The following INPP4B variants were observed in gnomAD, a reference collection of about 807,000 sequenced individuals.
The protein encoded by INPP4B is inositol polyphosphate-4-phosphatase type II B.
Under a neutral mutation model 122.5 loss-of-function variants are expected in INPP4B, and 55 were observed. That is an observed-to-expected ratio of 0.45 (90% confidence interval 0.36 to 0.56). INPP4B has a LOEUF of 0.56. INPP4B is among the 20% of genes least tolerant of loss of function. The pLI is 0.00. For synonymous variants in INPP4B, 403 were observed against 388.7 expected (o/e 1.04, Z -0.43); for missense variants, 1,000 against 1,097.7 (o/e 0.91, Z 1.26).
At chr4:142,573,617 C>T (rs1733283890) in intron 2 of INPP4B, among the ~76,000 whole-genome samples, 1 of 152,204 alleles carries the variant, frequency 6.6e-6, no homozygotes, top group African/African-American at 2.4e-5. Context: ...TTTTTAAAAA[C>T]CTCCATCTAT....
intron 5 of INPP4B, among the ~76,000 whole-genome samples, chr4:142,411,543 C>T (rs1043805366): frequency 1.3e-5 from 2 of 151,974 alleles, no homozygotes; most frequent in African/African-American, 2.4e-5. Context: ...CTGTTAAGAG[C>T]AAAAAGGGCC....
In INPP4B at chr4:142,791,536, C is replaced by T. The variant is rs189310790; in HGVS notation, c.-254+54673G>A. ...AATGACGCAGTTTATTTTGTGTTCA[C>T]TCAGCATGAAGGCTTTAAATAGGCC... On this transcript the variant is annotated intron_variant, in intron 1 of 25. Coordinates refer to ENST00000262992, the MANE Select transcript of INPP4B (RefSeq NM_001101669.3). Among the ~76,000 whole-genome samples the T allele has an allele frequency of 1.2e-3, 184 of 152,182 alleles. 2 individuals carry two copies. The highest frequency in any genetic ancestry group is 4.4e-3 in the African/African-American group (182 of 41,526).
intron 1 of INPP4B, among the ~76,000 whole-genome samples, chr4:142,784,022 T>A (rs1482079812): frequency 1.3e-5 from 2 of 152,130 alleles, no homozygotes; most frequent in African/African-American, 2.4e-5. Context: ...AGCTTAGAAG[T>A]CATCACTGTC....
At chr4:142,411,106 G>GT (rs752566210) in intron 5 of INPP4B, among the ~76,000 whole-genome samples, 8 of 152,124 alleles carry the variant, frequency 5.3e-5, no homozygotes, top group Non-Finnish European at 1.2e-4. Context: ...ACTTGCACTT[G>GT]TAATTTTCAC....
chr4:142,448,327 T>TCC (rs1415510721), intron 3 of INPP4B, among the ~76,000 whole-genome samples: 1 of 50,106 alleles, frequency 2.0e-5, no homozygotes, highest in East Asian at 6.2e-4. Context: ...CCTATCCATC[T>TCC]CCAAAAAAAA....
At chr4:142,643,546 T>C (rs2150495131) in intron 2 of INPP4B, among the ~76,000 whole-genome samples, 1 of 152,226 alleles carries the variant, frequency 6.6e-6, no homozygotes, top group Non-Finnish European at 1.5e-5. Context: ...TGATAAATCA[T>C]TGAGGAGAAA....
chr4:142,661,041 G>C (rs940482856), intron 2 of INPP4B: 1 of 152,234 alleles, frequency 6.6e-6, no homozygotes, highest in Non-Finnish European at 1.5e-5. Context: ...CACTGGGGTG[G>C]AGCCTTGGGA....
intron 25 of INPP4B, among the ~76,000 whole-genome samples, chr4:142,067,843 A>C (rs1160766955): frequency 6.6e-6 from 1 of 152,246 alleles, no homozygotes; most frequent in East Asian, 1.9e-4. Flanking sequence ...AAAAGACCAA[A>C]TCTATGTCTG....
At chr4:142,448,803 CATAA>C (rs1181607856) in intron 3 of INPP4B, among the ~76,000 whole-genome samples, 5 of 151,980 alleles carry the variant, frequency 3.3e-5, no homozygotes, top group East Asian at 3.9e-4. Context: ...CCAAAAGTAA[CATAA>C]ATAAATAAAT....
intron 1 of INPP4B, among the ~76,000 whole-genome samples, chr4:142,766,545 A>G (rs2150986931): frequency 6.6e-6 from 1 of 151,784 alleles, no homozygotes; most frequent in African/African-American, 2.4e-5. Flanking sequence ...TAATTTTTGT[A>G]TTTTCAGTAG....
intron 7 of INPP4B, among the ~76,000 whole-genome samples, chr4:142,398,392 AAAAAAAAAAATATATATATATATATAT>A (rs1180172302): frequency 8.9e-4 from 25 of 28,074 alleles, no homozygotes; most frequent in South Asian, 8.5e-3. Context: ...AAAAAAAAAA[AAAAAAAAAAATATATATATATATATAT>A]ATATATATAT....
intron 2 of INPP4B, among the ~76,000 whole-genome samples, chr4:142,645,493 T>C (rs1291438172): frequency 6.6e-6 from 1 of 152,234 alleles, no homozygotes; most frequent in East Asian, 1.9e-4. Context: ...TGCAGTTATG[T>C]GTGGCCATGT....
intron 2 of INPP4B, among the ~76,000 whole-genome samples, chr4:142,600,890 A>G (rs1470522669): frequency 1.3e-5 from 2 of 152,172 alleles, no homozygotes; most frequent in African/African-American, 2.4e-5. Flanking sequence ...AAGACTAGCT[A>G]TATTTAAATC....
chr4:142,298,884 T>A lies in INPP4B; in HGVS notation c.503+6574A>T, dbSNP rs117185885. Among the ~76,000 whole-genome samples, 75 of 152,226 alleles carry A rather than the reference T, an allele frequency of 4.9e-4. 1 individual carries two copies. In the East Asian group the frequency reaches 0.014, roughly 28 times the overall value. Reference sequence around the variant, plus strand: ...TGAAGCAGAAATAAAATCATTTTTATGCCATCTTTTAGAAGATTGAGGCGA... The same window carrying A: ...TGAAGCAGAAATAAAATCATTTTTAAGCCATCTTTTAGAAGATTGAGGCGA... On this transcript the variant is annotated intron_variant, in intron 9 of 25. Transcript: ENST00000262992.
At chr4:142,246,064 TG>T (rs1268374512) in intron 11 of INPP4B, among the ~76,000 whole-genome samples, 40 of 145,634 alleles carry the variant, frequency 2.7e-4, no homozygotes, top group Non-Finnish European at 5.4e-4. Flanking sequence ...TATATATGTG[TG>T]TGTGTATACA....
intron 1 of INPP4B, among the ~76,000 whole-genome samples, chr4:142,742,998 A>T (rs1279820195): frequency 6.6e-6 from 1 of 151,988 alleles, no homozygotes; most frequent in Non-Finnish European, 1.5e-5. Context: ...ATTCAAGTGT[A>T]TTAACTTCAA....
intron 1 of INPP4B, among the ~76,000 whole-genome samples, chr4:142,734,509 T>C (rs1046640210): frequency 1.3e-5 from 2 of 152,172 alleles, no homozygotes; most frequent in East Asian, 3.8e-4. Flanking sequence ...TTCAGGTATA[T>C]TCCTTTTGCA....
intron 7 of INPP4B, among the ~76,000 whole-genome samples, chr4:142,358,071 A>C (rs1021597174): frequency 6.6e-6 from 1 of 152,082 alleles, no homozygotes; most frequent in African/African-American, 2.4e-5. Context: ...CAATGTATGT[A>C]GAGATTTTGT....
intron 2 of INPP4B, among the ~76,000 whole-genome samples, chr4:142,707,223 C>T (rs1048457254): frequency 6.6e-6 from 1 of 152,184 alleles, no homozygotes; most frequent in African/African-American, 2.4e-5. Context: ...AGTAAATAAC[C>T]TCCTTGTCTT....
Sources: gnomAD v4.1 joint callset for allele counts (sites outside exome capture counted in the v4.1 genomes callset) on GRCh38, gnomAD v4.1.1 for gene constraint, MANE v1.5 for transcripts, NCBI Gene and HGNC (gene_info 2026-07-23, HGNC 2026-07-21) for gene names.